The following SVOP variants were observed in gnomAD, a reference collection of about 807,000 sequenced individuals.
The protein encoded by SVOP is SV2 related protein, also known as synaptic vesicle 2-related protein.
Under a neutral mutation model 69.1 loss-of-function variants are expected in SVOP, and 17 were observed. That is an observed-to-expected ratio of 0.25 (90% CI 0.17 to 0.37). SVOP has a LOEUF of 0.37. Among genes scored for constraint, SVOP ranks in the 10% least tolerant of loss-of-function variants. SVOP has a pLI of 1.00. For missense variants in SVOP, 435 were observed against 597.5 expected (o/e 0.73, Z 2.84); for synonymous variants, 238 against 238.6 (o/e 1.00, Z 0.02).
intron 6 of SVOP, among the ~76,000 whole-genome samples, chr12:108,959,420 C>T (rs1339586043): frequency 7.0e-6 from 1 of 142,302 alleles, no homozygotes; most frequent in Non-Finnish European, 1.5e-5. Context: ...GCAGTACGAT[C>T]TTGGCTCACT....
Position 108,962,359 on chromosome 12 carries a change from A to G in SVOP, c.454-1312T>C, listed in dbSNP as rs554128235. Among the ~76,000 whole-genome samples, 7 of 152,274 alleles carry G rather than the reference A, an allele frequency of 4.6e-5. No homozygotes were observed. In the East Asian group the frequency reaches 1.2e-3, roughly 25 times the overall value. ...AGTGATCCACCCACCTCAGCCTCCCAAAGTGCTGAGATTACAGGTGTGAGC... is the reference window on the plus strand; with the variant it reads ...AGTGATCCACCCACCTCAGCCTCCCGAAGTGCTGAGATTACAGGTGTGAGC... On this transcript the variant is annotated intron_variant, in intron 5 of 15. Transcript: ENST00000610966.
At position 108,970,453 on chromosome 12, in the gene SVOP, G is replaced by A. The variant is rs186684158; in HGVS notation, c.453+1952C>T. Among the ~76,000 whole-genome samples the A allele has an allele frequency of 1.1e-4, 17 of 152,218 alleles. No homozygotes were observed. The East Asian group carries it at 2.3e-3, about 21-fold the overall frequency. ...CTTTGCATCATGCCTGCTATACAAC[G>A]CGCTATTTTATTTTCAGCCCATGAT... On this transcript the variant is annotated intron_variant, in intron 5 of 15. Transcript: ENST00000610966.
chr12:108,942,726 T>C (rs542622026), intron 7 of SVOP, among the ~76,000 whole-genome samples: 2 of 152,380 alleles, frequency 1.3e-5, no homozygotes, highest in Admixed American at 1.3e-4. Flanking sequence ...GGTAACACCC[T>C]GGCAGGGACT....
intron 2 of SVOP, among the ~76,000 whole-genome samples, chr12:108,982,028 C>T (rs1414594722): frequency 4.0e-5 from 6 of 150,582 alleles, no homozygotes; most frequent in Non-Finnish European, 8.9e-5. Flanking sequence ...ATCATCACCA[C>T]CATCATCATC....
chr12:109,013,392 CTT>C (rs535785073), intron 1 of SVOP, among the ~76,000 whole-genome samples: 2 of 144,260 alleles, frequency 1.4e-5, no homozygotes, highest in African/African-American at 5.1e-5. Flanking sequence ...CCGTCTTAAC[CTT>C]TTTTTTTTTT....
intron 1 of SVOP, among the ~76,000 whole-genome samples, chr12:108,998,522 A>G (rs2040249332): frequency 6.6e-6 from 1 of 151,962 alleles, no homozygotes; most frequent in African/African-American, 2.4e-5. Context: ...GATTCACCAA[A>G]GTTGAAATGA....
At position 108,940,829 on chromosome 12, in the gene SVOP, G is replaced by A. The variant is rs2039886821; in HGVS notation, c.723C>T (p.Leu241=). The A allele has an allele frequency of 6.5e-7, 1 of 1,537,248 alleles. No individual in the cohort carries two copies. Among genetic ancestry groups the A allele is most frequent in the Non-Finnish European group, 8.7e-7 (1 of 1,146,896 alleles). ...GGAGGAGCGGGACAGCTGAGAGGAT[G>A]AGCAGCCAACGCCAGCCCAGGCTGG... ...VMPSLGWRWL[L]ILSAVPLLLF... The change falls in exon 8 of 16, where the codon CTC becomes CTT. Residue 241 remains leucine, a synonymous_variant. Transcript: ENST00000610966.
At chr12:108,927,973 T>C (rs2039791963) in intron 11 of SVOP, among the ~76,000 whole-genome samples, 1 of 151,564 alleles carries the variant, frequency 6.6e-6, no homozygotes, top group Non-Finnish European at 1.5e-5. Flanking sequence ...TGGTGCTATA[T>C]TGGCTCACTG....
intron 5 of SVOP, among the ~76,000 whole-genome samples, chr12:108,969,103 G>A (rs1360938133): frequency 2.0e-5 from 3 of 151,780 alleles, no homozygotes; most frequent in Non-Finnish European, 4.4e-5. Context: ...TTATTTTAAA[G>A]GCTTAAAGAT....
chr12:108,984,581 G>A (rs952995264), intron 1 of SVOP, among the ~76,000 whole-genome samples: 12 of 152,096 alleles, frequency 7.9e-5, no homozygotes, highest in African/African-American at 2.4e-4. Flanking sequence ...CACTTGGCAC[G>A]TGGCCCCATT....
chr12:108,972,774 C>T (rs564594338), intron 4 of SVOP, among the ~76,000 whole-genome samples: 2 of 152,240 alleles, frequency 1.3e-5, no homozygotes, highest in South Asian at 4.1e-4. Context: ...TGGTATCAGG[C>T]ATTCTGGCTC....
At chr12:108,919,590 G>A (rs376384801) in intron 13 of SVOP, 85 bp downstream of exon 13, 63 of 1,051,578 alleles carry the variant, frequency 6.0e-5, no homozygotes, top group South Asian at 3.2e-4. Flanking sequence ...CACCTGGCCC[G>A]CACATCTACC....
At chr12:108,912,781 T>G in intron 15 of SVOP, 40 bp from the exon 16 acceptor site, 1 of 1,589,490 alleles carries the variant, frequency 6.3e-7, no homozygotes, top group African/African-American at 1.3e-5. Flanking sequence ...GCATCCCTTC[T>G]GAAGCACAGA....
chr12:108,955,506 T>C (rs1024887353), intron 6 of SVOP, among the ~76,000 whole-genome samples: 2 of 152,212 alleles, frequency 1.3e-5, no homozygotes, highest in African/African-American at 4.8e-5. Flanking sequence ...GTCAAATGCC[T>C]ACTCTACAGA....
chr12:109,014,506 G>A (rs2040358226), intron 1 of SVOP, among the ~76,000 whole-genome samples: 1 of 152,294 alleles, frequency 6.6e-6, no homozygotes. Flanking sequence ...GAACATAGAA[G>A]TACGAATATC....
At chr12:109,017,832 C>A (rs1333461373) in intron 1 of SVOP, among the ~76,000 whole-genome samples, 1 of 152,092 alleles carries the variant, frequency 6.6e-6, no homozygotes, top group East Asian at 1.9e-4. Context: ...GCATGACCCA[C>A]TGCACCTGGC....
At chr12:108,922,240 C>T (rs1040312223) in intron 12 of SVOP, among the ~76,000 whole-genome samples, 4 of 152,206 alleles carry the variant, frequency 2.6e-5, no homozygotes, top group Non-Finnish European at 4.4e-5. Flanking sequence ...AAGATGATGT[C>T]TCCCTTAGGG....
intron 11 of SVOP, among the ~76,000 whole-genome samples, chr12:108,923,548 T>C (rs1282700316): frequency 2.6e-5 from 4 of 151,996 alleles, no homozygotes; most frequent in Non-Finnish European, 4.4e-5. Flanking sequence ...GATGCCTTGA[T>C]TGCAGCCTGG....
intron 9 of SVOP, among the ~76,000 whole-genome samples, chr12:108,938,012 AG>A (rs1391137197): frequency 6.6e-6 from 1 of 152,170 alleles, no homozygotes; most frequent in Non-Finnish European, 1.5e-5. Context: ...GCAACCAAAT[AG>A]GCTTCTGCAC....
Sources: allele counts gnomAD v4.1 joint callset (sites outside exome capture counted in the v4.1 genomes callset), GRCh38; gene constraint gnomAD v4.1.1; transcripts MANE v1.5; gene names NCBI Gene and HGNC (gene_info 2026-07-23, HGNC 2026-07-21).